Variants in UBE2V2 observed in about 807,000 individuals in gnomAD.
UBE2V2 encodes ubiquitin-conjugating enzyme E2 variant 2.
In UBE2V2, 9 loss-of-function variants were observed where a neutral mutation model predicts 17.2. The observed-to-expected ratio is 0.52, with a 90% CI of 0.32 to 0.91. The LOEUF (loss-of-function observed/expected upper bound fraction) is 0.91. UBE2V2 is among the 40% of genes least tolerant of loss of function. The pLI is 0.04. For synonymous variants in UBE2V2, 61 were observed against 57.5 expected, an observed-to-expected ratio of 1.06 and a Z score of -0.28; for missense variants, 133 against 182.6, an observed-to-expected ratio of 0.73 and a Z score of 1.56.
chr8:47,999,746 C>T, the UBE2V2 span, among the ~76,000 whole-genome samples: 1 of 152,170 alleles, frequency 6.6e-6, no homozygotes, highest in African/African-American at 2.4e-5. Flanking sequence ...GGATGAGCCA[C>T]AGACAAAACT....
intron 1 of UBE2V2, among the ~76,000 whole-genome samples, chr8:48,034,467 A>G (rs1357222478): frequency 1.3e-5 from 2 of 152,092 alleles, no homozygotes; most frequent in South Asian, 2.1e-4. Context: ...ATGAATTTTA[A>G]AAGTCAATTG....
intron 1 of UBE2V2, among the ~76,000 whole-genome samples, chr8:48,022,167 C>T (rs186639856): frequency 1.2e-4 from 18 of 145,078 alleles, no homozygotes; most frequent in Middle Eastern, 3.9e-3. Context: ...GAGACAGTGT[C>T]GTTCTTGTCA....
At chr8:48,059,819 T>G (rs1802564575) in intron 3 of UBE2V2, among the ~76,000 whole-genome samples, 1 of 152,164 alleles carries the variant, frequency 6.6e-6, no homozygotes, top group African/African-American at 2.4e-5. Flanking sequence ...TGAGTGGAGT[T>G]TTCCAGGGAA....
intron 3 of UBE2V2, among the ~76,000 whole-genome samples, chr8:48,057,312 A>AT (rs1200264762): frequency 2.0e-5 from 3 of 151,652 alleles, no homozygotes; most frequent in Non-Finnish European, 4.4e-5. Context: ...TTATTTATTT[A>AT]TTTTTTTGAG....
the UBE2V2 span, among the ~76,000 whole-genome samples, chr8:48,000,441 C>T: frequency 6.6e-6 from 1 of 152,178 alleles, no homozygotes; most frequent in Non-Finnish European, 1.5e-5. Context: ...CTTTCCTTTT[C>T]AAACCTAAAC....
intron 3 of UBE2V2, among the ~76,000 whole-genome samples, chr8:48,054,247 C>A (rs955783236): frequency 5.3e-5 from 8 of 152,180 alleles, no homozygotes; most frequent in African/African-American, 1.9e-4. Flanking sequence ...CATGGACACA[C>A]CTTGAGTAGT....
intron 1 of UBE2V2, among the ~76,000 whole-genome samples, chr8:48,040,092 C>T (rs889088669): frequency 3.4e-5 from 5 of 146,958 alleles, no homozygotes; most frequent in African/African-American, 1.3e-4. Flanking sequence ...GAAAAGTTAA[C>T]ATAAGTAGTA....
chr8:48,017,077 C>T (rs1001982542), intron 1 of UBE2V2, among the ~76,000 whole-genome samples: 4 of 152,162 alleles, frequency 2.6e-5, no homozygotes, highest in South Asian at 4.1e-4. Context: ...AGGCGTGAGC[C>T]ACTGCGCTTG....
In UBE2V2 at chr8:48,020,390, G is replaced by A. The variant is rs138214158; in HGVS notation, c.16+11920G>A. Among the ~76,000 whole-genome samples, 87 of 152,022 alleles carry A rather than the reference G, an allele frequency of 5.7e-4. 3 individuals carry two copies. The East Asian group carries it at 0.016, about 28-fold the overall frequency. On this transcript the variant is annotated intron_variant, in intron 1 of 3. Transcript: ENST00000523111. Reference sequence around the variant, plus strand: ...CTTCACCTTCAGTCTACATGTGTCCGTACAGGTGAGGTGAGTCTTTTATTG... The same window carrying A: ...CTTCACCTTCAGTCTACATGTGTCCATACAGGTGAGGTGAGTCTTTTATTG...
At chr8:48,004,819 G>A (rs557469345), upstream of UBE2V2, among the ~76,000 whole-genome samples, 217 of 151,722 alleles carry the variant, frequency 1.4e-3, 7 homozygotes, top group South Asian at 0.04. Flanking sequence ...GTGAGCCACC[G>A]CACCTGGCCC....
upstream of UBE2V2, among the ~76,000 whole-genome samples, chr8:48,003,504 C>T (rs1403491429): frequency 1.3e-5 from 2 of 152,008 alleles, no homozygotes; most frequent in Non-Finnish European, 2.9e-5. Flanking sequence ...GTTCCCAGGG[C>T]GCATAATGGG....
At chr8:48,058,772 G>A (rs2091589730) in intron 3 of UBE2V2, among the ~76,000 whole-genome samples, 3 of 151,898 alleles carry the variant, frequency 2.0e-5, no homozygotes, top group South Asian at 4.2e-4. Flanking sequence ...AAAGGTTTTT[G>A]GATTTTGTCA....
At chr8:48,053,606 A>G (rs1006288220) in intron 3 of UBE2V2, among the ~76,000 whole-genome samples, 1 of 151,426 alleles carries the variant, frequency 6.6e-6, no homozygotes, top group Admixed American at 6.6e-5. Context: ...TTGTATTTTT[A>G]ATAGAGACAG....
intron 1 of UBE2V2, among the ~76,000 whole-genome samples, chr8:48,028,040 A>G (rs1589855295): frequency 6.6e-6 from 1 of 150,990 alleles, no homozygotes; most frequent in Non-Finnish European, 1.5e-5. Flanking sequence ...TTTTAGTAGA[A>G]ATGGGATTTC....
intron 1 of UBE2V2, among the ~76,000 whole-genome samples, chr8:48,024,270 G>A (rs2091324876): frequency 6.6e-6 from 1 of 152,074 alleles, no homozygotes; most frequent in African/African-American, 2.4e-5. Flanking sequence ...GGATTTTTTA[G>A]CTAGATGTTG....
chr8:48,033,300 C>G (rs1041008498), intron 1 of UBE2V2, among the ~76,000 whole-genome samples: 7 of 151,926 alleles, frequency 4.6e-5, no homozygotes, highest in African/African-American at 1.7e-4. Flanking sequence ...GATTCTCCTG[C>G]CTCTGCCACC....
At chr8:48,041,170 G>T (rs1023324684) in intron 1 of UBE2V2, among the ~76,000 whole-genome samples, 4 of 126,940 alleles carry the variant, frequency 3.2e-5, no homozygotes, top group South Asian at 5.1e-4. Flanking sequence ...GGCCTTTTTT[G>T]TTGTTTTTTT....
intron 1 of UBE2V2, among the ~76,000 whole-genome samples, chr8:48,027,821 C>T (rs1428236163): frequency 1.3e-5 from 2 of 152,102 alleles, no homozygotes; most frequent in African/African-American, 2.4e-5. Flanking sequence ...ATTTATATAT[C>T]TTCTTTGGAG....
At chr8:48,020,668 T>C (rs1478419833) in intron 1 of UBE2V2, among the ~76,000 whole-genome samples, 1 of 152,164 alleles carries the variant, frequency 6.6e-6, no homozygotes, top group African/African-American at 2.4e-5. Flanking sequence ...TGCTCTGACC[T>C]GGTCATAGCT....
Sources: gnomAD v4.1 joint callset for allele counts (sites outside exome capture counted in the v4.1 genomes callset) on GRCh38, gnomAD v4.1.1 for gene constraint, MANE v1.5 for transcripts, NCBI Gene and HGNC (gene_info 2026-07-23, HGNC 2026-07-21) for gene names.